The following PBX1 variants were observed in gnomAD, a reference collection of about 807,000 sequenced individuals.
The protein encoded by PBX1 is PBX homeobox 1.
Under a neutral mutation model 53.4 loss-of-function variants are expected in PBX1, and 6 were observed. The observed-to-expected ratio is 0.11, with a 90% CI of 0.06 to 0.22. PBX1 has a LOEUF of 0.22. PBX1 is among the 10% of genes least tolerant of loss of function. The pLI is 1.00. For missense variants in PBX1, 251 were observed against 551.4 expected (o/e 0.46, Z 5.46); for synonymous variants, 204 against 212.3 (o/e 0.96, Z 0.34).
chr1:164,747,394 A>G (rs531104602), intron 2 of PBX1, among the ~76,000 whole-genome samples: 1 of 152,266 alleles, frequency 6.6e-6, no homozygotes, highest in Admixed American at 6.5e-5. Flanking sequence ...AAGTACAAAA[A>G]GGTAGACTGA....
rs540310767 is a variant in PBX1 at position 164,576,265 on chromosome 1, C to CGCT, written c.265+12957_265+12959dup. Among the ~76,000 whole-genome samples the CGCT allele has an allele frequency of 1.8e-3, 275 of 152,288 alleles. 4 individuals carry two copies. Among genetic ancestry groups the CGCT allele is most frequent in the Admixed American group, 0.018 (269 of 15,306 alleles). ...TTGTCGCCTGAGTCTTGCTGTAAGA[C>CGCT]GCTGCACAATTAGATTAGAGGAGAG... On this transcript the variant is annotated intron_variant, in intron 2 of 8. Coordinates refer to ENST00000420696, the MANE Select transcript of PBX1 (RefSeq NM_002585.4).
chr1:164,709,787 T>G (rs200413534), intron 2 of PBX1, among the ~76,000 whole-genome samples: 1 of 152,240 alleles, frequency 6.6e-6, no homozygotes, highest in East Asian at 1.9e-4. Context: ...CTTTCCCTTT[T>G]GAATTTGATA....
intron 2 of PBX1, among the ~76,000 whole-genome samples, chr1:164,733,703 A>C (rs1425195164): frequency 6.6e-6 from 1 of 152,152 alleles, no homozygotes; most frequent in Non-Finnish European, 1.5e-5. Context: ...AGGAAACCTT[A>C]ATTTGGGACT....
intron 8 of PBX1, among the ~76,000 whole-genome samples, chr1:164,834,023 ATGTATATGTG>A (rs1670899468): frequency 1.1e-5 from 1 of 94,824 alleles, no homozygotes; most frequent in African/African-American, 4.2e-5. Flanking sequence ...GGGTATATAT[ATGTATATGTG>A]TGTGTGTGTG....
At chr1:164,669,761 C>T (rs1661014214) in intron 2 of PBX1, among the ~76,000 whole-genome samples, 1 of 152,178 alleles carries the variant, frequency 6.6e-6, no homozygotes, top group Admixed American at 6.5e-5. Flanking sequence ...ACCCAATTGG[C>T]CTTTCCTTTG....
intron 2 of PBX1, among the ~76,000 whole-genome samples, chr1:164,721,703 CAT>C (rs1557965793): frequency 6.6e-6 from 1 of 152,168 alleles, no homozygotes; most frequent in Admixed American, 6.6e-5. Context: ...TTTAGTGTCT[CAT>C]TAACAGCTGG....
intron 2 of PBX1, among the ~76,000 whole-genome samples, chr1:164,729,628 G>A (rs892475473): frequency 2.0e-5 from 3 of 152,080 alleles, no homozygotes; most frequent in South Asian, 2.1e-4. Context: ...GATATGGTAG[G>A]TATATTATTA....
At chr1:164,876,005 T>TATATATATATATATATATATATACACAC (rs1487676214) in intron 2 of PBX1, among the ~76,000 whole-genome samples, 2 of 56,792 alleles carry the variant, frequency 3.5e-5, no homozygotes, top group African/African-American at 6.5e-5. Flanking sequence ...TATATATATA[T>TATATATATATATATATATATATACACAC]ACACACATAC....
At chr1:164,840,400 G>A (rs1671236185) in intron 8 of PBX1, among the ~76,000 whole-genome samples, 2 of 152,174 alleles carry the variant, frequency 1.3e-5, no homozygotes, top group African/African-American at 4.8e-5. Context: ...GTCATTCCTA[G>A]ATCCTAAGAG....
At chr1:164,869,371 T>G (rs535213626) in intron 2 of PBX1, among the ~76,000 whole-genome samples, 1 of 152,318 alleles carries the variant, frequency 6.6e-6, no homozygotes, top group South Asian at 2.1e-4. Context: ...GTGAAGCAGG[T>G]TAACTTCCCA....
intron 2 of PBX1, among the ~76,000 whole-genome samples, chr1:164,678,406 T>A (rs1264911292): frequency 6.6e-6 from 1 of 152,188 alleles, no homozygotes; most frequent in Non-Finnish European, 1.5e-5. Context: ...GCTTTCAGAT[T>A]ACCAAACACA....
chr1:164,591,656 C>G (rs1006178048), intron 2 of PBX1, among the ~76,000 whole-genome samples: 2 of 152,140 alleles, frequency 1.3e-5, no homozygotes, highest in African/African-American at 2.4e-5. Flanking sequence ...TGATGATGAG[C>G]TTGTGTGCAT....
intron 2 of PBX1, among the ~76,000 whole-genome samples, chr1:164,635,633 A>G (rs1319044821): frequency 6.6e-6 from 1 of 152,184 alleles, no homozygotes; most frequent in Non-Finnish European, 1.5e-5. Context: ...GCCTCGCCAT[A>G]TATCACCCTT....
At chr1:164,661,991 A>G (rs1660518002) in intron 2 of PBX1, among the ~76,000 whole-genome samples, 1 of 152,134 alleles carries the variant, frequency 6.6e-6, no homozygotes, top group Admixed American at 6.5e-5. Context: ...ATCCTAACAA[A>G]TCAATTCTTC....
At chr1:164,759,609 A>G (rs1666706236) in intron 2 of PBX1, among the ~76,000 whole-genome samples, 1 of 152,178 alleles carries the variant, frequency 6.6e-6, no homozygotes, top group Non-Finnish European at 1.5e-5. Context: ...TAGAGGGGGA[A>G]AGAAAGTATC....
At chr1:164,814,083 T>C (rs1431141763) in intron 6 of PBX1, 1 of 152,228 alleles carries the variant, frequency 6.6e-6, no homozygotes, top group Non-Finnish European at 1.5e-5. Context: ...CTATTGTATG[T>C]GTGCAATAGC....
chr1:164,768,956 T>G (rs3738196), intron 2 of PBX1, among the ~76,000 whole-genome samples: 75,363 of 151,702 alleles, frequency 0.5, 20,479 homozygotes, highest in Non-Finnish European at 0.62. Flanking sequence ...TCTAGAGGCT[T>G]AGGCATGAGA....
At chr1:164,575,682 G>C (rs1654173004) in intron 2 of PBX1, among the ~76,000 whole-genome samples, 1 of 152,182 alleles carries the variant, frequency 6.6e-6, no homozygotes, top group Non-Finnish European at 1.5e-5. Flanking sequence ...GCACTCTATG[G>C]ATATGAGGGT....
chr1:164,648,834 G>T (rs551438367), intron 2 of PBX1, among the ~76,000 whole-genome samples: 1 of 152,332 alleles, frequency 6.6e-6, no homozygotes, highest in East Asian at 1.9e-4. Context: ...ATGAAAACAT[G>T]CACCAGAGCA....
Sources: allele counts gnomAD v4.1 joint callset (sites outside exome capture counted in the v4.1 genomes callset), GRCh38; gene constraint gnomAD v4.1.1; transcripts MANE v1.5; gene names NCBI Gene and HGNC (gene_info 2026-07-23, HGNC 2026-07-21).